MEI4: variants seen among roughly 807,000 people sequenced by gnomAD.
The protein encoded by MEI4 is meiosis-specific protein MEI4.
MEI4 carries 27 observed loss-of-function variants against 31.4 expected under a neutral mutation model. The observed-to-expected ratio is 0.86, with a 90% CI of 0.63 to 1.19. The LOEUF is 1.19. Ranked by LOEUF, MEI4 falls within the 50% of genes most tolerant of loss-of-function variation. The pLI is 0.00. For synonymous variants in MEI4, 122 were observed against 145.4 expected, an observed-to-expected ratio of 0.84 and a Z score of 1.16; for missense variants, 329 against 398.9, an observed-to-expected ratio of 0.82 and a Z score of 1.49.
intron 2 of MEI4, among the ~76,000 whole-genome samples, chr6:77,693,040 C>T (rs781033819): frequency 5.3e-5 from 8 of 151,972 alleles, no homozygotes; most frequent in Non-Finnish European, 1.0e-4. Flanking sequence ...ACATTAAGAG[C>T]GTGCAGCAGG....
chr6:77,740,249 TG>T (rs1403866282), intron 2 of MEI4, among the ~76,000 whole-genome samples: 1 of 152,216 alleles, frequency 6.6e-6, no homozygotes, highest in Non-Finnish European at 1.5e-5. Context: ...GTATGTGCCA[TG>T]TGGTGGCACA....
chr6:77,728,810 G>A (rs1316053492), intron 2 of MEI4, among the ~76,000 whole-genome samples: 1 of 152,190 alleles, frequency 6.6e-6, no homozygotes. Context: ...GGCCAGAGAG[G>A]AGACAGAGGA....
chr6:77,678,208 C>A (rs79838657), intron 1 of MEI4, among the ~76,000 whole-genome samples: 1 of 152,116 alleles, frequency 6.6e-6, no homozygotes, highest in Admixed American at 6.5e-5. Context: ...CTAGAAATTG[C>A]GTAATACAAA....
intron 4 of MEI4, among the ~76,000 whole-genome samples, chr6:77,910,174 T>C (rs1351953036): frequency 6.6e-6 from 1 of 152,104 alleles, no homozygotes; most frequent in Admixed American, 6.6e-5. Flanking sequence ...CTCTCAGCAC[T>C]CCTATTCAAC....
At chr6:77,887,026 A>AG (rs70974690) in intron 4 of MEI4, among the ~76,000 whole-genome samples, 152,104 of 152,104 alleles carry the variant, frequency 1, 76,052 homozygotes, top group Non-Finnish European at 1. Flanking sequence ...TTTCTTTTTT[A>AG]TTCCTTGGGG....
chr6:77,752,647 TA>T (rs1223826901), intron 2 of MEI4, among the ~76,000 whole-genome samples: 1 of 152,216 alleles, frequency 6.6e-6, no homozygotes, highest in African/African-American at 2.4e-5. Flanking sequence ...TGCTCATTGA[TA>T]GGAAGAATCA....
intron 4 of MEI4, among the ~76,000 whole-genome samples, chr6:77,901,484 A>G (rs1046826077): frequency 1.2e-4 from 19 of 152,118 alleles, no homozygotes; most frequent in African/African-American, 4.3e-4. Context: ...GCATTGTTTC[A>G]TATACCTATT....
intron 3 of MEI4, among the ~76,000 whole-genome samples, chr6:77,794,390 C>T (rs1433930561): frequency 2.6e-5 from 4 of 152,000 alleles, no homozygotes; most frequent in South Asian, 2.1e-4. Flanking sequence ...GGTGAAATCC[C>T]GTCTCTACTA....
At chr6:77,877,596 A>G (rs1771373262) in intron 4 of MEI4, among the ~76,000 whole-genome samples, 1 of 151,990 alleles carries the variant, frequency 6.6e-6, no homozygotes, top group Non-Finnish European at 1.5e-5. Flanking sequence ...AAATTGTGAT[A>G]TTCAGAAATG....
At chr6:77,692,697 T>G (rs1769180552) in intron 2 of MEI4, among the ~76,000 whole-genome samples, 1 of 152,042 alleles carries the variant, frequency 6.6e-6, no homozygotes, top group African/African-American at 2.4e-5. Flanking sequence ...AATACCTAAA[T>G]AAGGTTTCCC....
chr6:77,830,124 T>C (rs189745731), intron 4 of MEI4, among the ~76,000 whole-genome samples: 46 of 152,182 alleles, frequency 3.0e-4, no homozygotes, highest in African/African-American at 1.1e-3. Flanking sequence ...GAATAGGCCA[T>C]GGTAGATTGC....
At position 77,863,083 on chromosome 6, in the gene MEI4, A is replaced by G. The variant is rs996835147; in HGVS notation, c.900+34021A>G. Among the ~76,000 whole-genome samples the G allele has an allele frequency of 3.3e-5, 4 of 121,530 alleles. No homozygotes were observed. The Admixed American group carries it at 3.4e-4, about 10-fold the overall frequency. The allele number at this position is 121,530 out of a possible 152,430, so 79.7% of individuals were successfully genotyped here. ...ACCAAAACCCCATCTGTACATCACC[A>G]TCATCAAACACCACAGGTAGATCAG... On this transcript the variant is annotated intron_variant, in intron 4 of 4. Coordinates refer to ENST00000684080, the MANE Select transcript of MEI4 (RefSeq NM_001322247.2).
At chr6:77,807,637 T>A (rs529682206) in intron 3 of MEI4, among the ~76,000 whole-genome samples, 29 of 152,306 alleles carry the variant, frequency 1.9e-4, no homozygotes, top group African/African-American at 5.5e-4. Context: ...CAATCAATGT[T>A]AGTATATTTC....
At chr6:77,668,254 C>T (rs1326737399) in intron 1 of MEI4, among the ~76,000 whole-genome samples, 1 of 152,068 alleles carries the variant, frequency 6.6e-6, no homozygotes, top group Non-Finnish European at 1.5e-5. Context: ...TGCTTTAGGT[C>T]CTTGGAGGGT....
At chr6:77,727,759 C>A (rs1037913087) in intron 2 of MEI4, among the ~76,000 whole-genome samples, 4 of 152,312 alleles carry the variant, frequency 2.6e-5, no homozygotes, top group African/African-American at 9.6e-5. Flanking sequence ...TAAATGAAAT[C>A]TTGAAACCAG....
intron 2 of MEI4, among the ~76,000 whole-genome samples, chr6:77,742,876 G>C (rs1304583737): frequency 6.6e-6 from 1 of 151,990 alleles, no homozygotes. Flanking sequence ...ATTAAATAGG[G>C]ACTCCTTTCC....
At chr6:77,879,380 A>G (rs1396047802) in intron 4 of MEI4, among the ~76,000 whole-genome samples, 2 of 152,320 alleles carry the variant, frequency 1.3e-5, no homozygotes, top group East Asian at 1.9e-4. Flanking sequence ...AATAAACACC[A>G]TGCACATCAA....
intron 2 of MEI4, among the ~76,000 whole-genome samples, chr6:77,701,440 G>A (rs898345982): frequency 2.0e-5 from 3 of 152,022 alleles, no homozygotes; most frequent in African/African-American, 7.2e-5. Flanking sequence ...GTGGGGCAGG[G>A]GGAATCTGGA....
chr6:77,903,699 G>A (rs550228594), intron 4 of MEI4, among the ~76,000 whole-genome samples: 1 of 152,110 alleles, frequency 6.6e-6, no homozygotes, highest in Non-Finnish European at 1.5e-5. Flanking sequence ...CTTTTGTGGA[G>A]GTACATCCCT....
Sources: allele counts gnomAD v4.1 joint callset (sites outside exome capture counted in the v4.1 genomes callset), GRCh38; gene constraint gnomAD v4.1.1; transcripts MANE v1.5; gene names NCBI Gene and HGNC (gene_info 2026-07-23, HGNC 2026-07-21).